Variants in FRMPD4 observed in about 807,000 individuals in gnomAD.
FRMPD4 encodes the protein FERM and PDZ domain-containing protein 4.
In FRMPD4, 22 loss-of-function variants were observed where a neutral mutation model predicts 94.1. The ratio of observed to expected loss-of-function variants is 0.23; its 90% confidence interval spans 0.17 to 0.33. FRMPD4 has a LOEUF of 0.33. FRMPD4 is among the 10% of genes least tolerant of loss of function. The pLI, the probability that FRMPD4 is intolerant of heterozygous loss-of-function variation, is 1.00. For missense variants in FRMPD4, 1,111 were observed against 1,339.9 expected, an observed-to-expected ratio of 0.83 and a Z score of 2.67; for synonymous variants, 631 against 548.6, an observed-to-expected ratio of 1.15 and a Z score of -2.10.
intron 4 of FRMPD4, among the ~76,000 whole-genome samples, chrX:12,635,054 G>A (rs937325926): frequency 1.8e-5 from 2 of 110,360 alleles, no homozygotes; most frequent in Admixed American, 9.6e-5. Flanking sequence ...AGCTGGTCTC[G>A]AACTCCTGAC....
intron 3 of FRMPD4, among the ~76,000 whole-genome samples, chrX:12,017,127 T>G (rs1171768367): frequency 8.9e-6 from 1 of 112,260 alleles, no homozygotes; most frequent in Non-Finnish European, 1.9e-5. Flanking sequence ...TTGTGGATTC[T>G]GATCCATTTC....
chrX:12,580,391 A>G (rs977384929), intron 2 of FRMPD4, among the ~76,000 whole-genome samples: 1 of 111,764 alleles, frequency 8.9e-6, no homozygotes, highest in African/African-American at 3.3e-5. Context: ...ACATACCAAC[A>G]TCCCCCAGTT....
At chrX:11,905,058 G>T (rs777936398) in intron 3 of FRMPD4, among the ~76,000 whole-genome samples, 2 of 112,173 alleles carry the variant, frequency 1.8e-5, no homozygotes, top group South Asian at 3.7e-4. Context: ...GTGTAAATCA[G>T]TGCATGGCAA....
intron 1 of FRMPD4, among the ~76,000 whole-genome samples, chrX:11,824,789 A>G (rs190038785): frequency 1.3e-4 from 14 of 111,218 alleles, no homozygotes; most frequent in African/African-American, 4.6e-4. Context: ...AGTGTGGACA[A>G]GAGGTAATGC....
intron 2 of FRMPD4, among the ~76,000 whole-genome samples, chrX:12,553,460 A>ATATATATATATATATATATATATG (rs769330484): frequency 3.7e-5 from 3 of 81,544 alleles, no homozygotes; most frequent in African/African-American, 1.5e-4. Context: ...ATATATATAT[A>ATATATATATATATATATATATATG]TATATATCTA....
chrX:12,639,934 A>G (rs1193708548), intron 4 of FRMPD4, among the ~76,000 whole-genome samples: 1 of 111,478 alleles, frequency 9.0e-6, no homozygotes, highest in Non-Finnish European at 1.9e-5. Flanking sequence ...ATAACGCAAT[A>G]TTTTCAACAG....
At chrX:12,506,027 G>A (rs1267041919) in intron 2 of FRMPD4, among the ~76,000 whole-genome samples, 10 of 111,758 alleles carry the variant, frequency 8.9e-5, no homozygotes, top group Middle Eastern at 4.7e-3. Context: ...CATGCCCTCC[G>A]GCTGCTCCAT....
At chrX:12,378,093 T>C (rs2056265720) in intron 1 of FRMPD4, among the ~76,000 whole-genome samples, 1 of 112,220 alleles carries the variant, frequency 8.9e-6, no homozygotes, top group Admixed American at 9.4e-5. Flanking sequence ...GGGCGACTGA[T>C]GCTTGCAGGG....
At chrX:12,503,934 A>G (rs1052767923) in intron 2 of FRMPD4, among the ~76,000 whole-genome samples, 3 of 111,970 alleles carry the variant, frequency 2.7e-5, no homozygotes, top group Admixed American at 9.5e-5. Flanking sequence ...TTTCTCCTCT[A>G]AAAAGTTTTT....
chrX:12,431,946 T>C (rs1322494568), intron 1 of FRMPD4, among the ~76,000 whole-genome samples: 3 of 112,036 alleles, frequency 2.7e-5, no homozygotes, highest in African/African-American at 9.7e-5. Flanking sequence ...AACTATTTAT[T>C]TGAAACTAAA....
chrX:12,109,201 A>T (rs2055331358), intron 3 of FRMPD4, among the ~76,000 whole-genome samples: 1 of 112,065 alleles, frequency 8.9e-6, no homozygotes, highest in African/African-American at 3.2e-5. Flanking sequence ...AATGTAAAAG[A>T]ACAGAAATTA....
intron 3 of FRMPD4, among the ~76,000 whole-genome samples, chrX:12,065,259 T>C (rs1435580370): frequency 8.9e-6 from 1 of 112,202 alleles, no homozygotes; most frequent in Non-Finnish European, 1.9e-5. Flanking sequence ...AACAGAGCTG[T>C]TCCTGGCCAG....
chrX:12,369,286 C>T (rs2056130135), intron 1 of FRMPD4, among the ~76,000 whole-genome samples: 1 of 108,174 alleles, frequency 9.2e-6, no homozygotes, highest in South Asian at 4.2e-4. Context: ...TATGACACCA[C>T]GCAAGTAACT....
At chrX:12,597,872 GACAA>G (rs748044539) in intron 2 of FRMPD4, among the ~76,000 whole-genome samples, 22 of 112,142 alleles carry the variant, frequency 2.0e-4, no homozygotes, top group Middle Eastern at 9.2e-3. Context: ...TTGACAGAGA[GACAA>G]ACAAAGAGAA....
chrX:12,549,149 A>T (rs2058508513), intron 2 of FRMPD4, among the ~76,000 whole-genome samples: 1 of 112,053 alleles, frequency 8.9e-6, no homozygotes, highest in Admixed American at 9.5e-5. Context: ...CCACACACAT[A>T]AGATTTCCCT....
At chrX:11,904,958 C>T (rs1193267578) in intron 3 of FRMPD4, among the ~76,000 whole-genome samples, 1 of 112,422 alleles carries the variant, frequency 8.9e-6, no homozygotes, top group African/African-American at 3.2e-5. Context: ...GGCATTTCCC[C>T]TTCTTCTTTG....
At chrX:12,649,519 G>T (rs1036284858) in intron 4 of FRMPD4, among the ~76,000 whole-genome samples, 7 of 111,434 alleles carry the variant, frequency 6.3e-5, no homozygotes, top group African/African-American at 2.0e-4. Context: ...CTGCAACTCG[G>T]TCTGCAGCAA....
chrX:12,429,810 G>A (rs1383446709), intron 1 of FRMPD4, among the ~76,000 whole-genome samples: 1 of 112,074 alleles, frequency 8.9e-6, no homozygotes, highest in Admixed American at 9.4e-5. Flanking sequence ...GAGGTGATTA[G>A]GCTGTGAGGG....
intron 1 of FRMPD4, among the ~76,000 whole-genome samples, chrX:12,212,014 C>T (rs1256686426): frequency 9.0e-6 from 1 of 111,209 alleles, no homozygotes; most frequent in African/African-American, 3.3e-5. Context: ...CTAAACATTC[C>T]GGGTGTTGAG....
Sources: allele counts gnomAD v4.1 joint callset (sites outside exome capture counted in the v4.1 genomes callset), GRCh38; gene constraint gnomAD v4.1.1; transcripts MANE v1.5; gene names NCBI Gene and HGNC (gene_info 2026-07-23, HGNC 2026-07-21).